HMGCLL1: variants seen among roughly 807,000 people sequenced by gnomAD.
HMGCLL1 encodes the protein 3-hydroxy-3-methylglutaryl-CoA lyase like 1, also known as 3-hydroxymethyl-3-methylglutaryl-CoA lyase, cytoplasmic.
A neutral mutation model predicts 39.1 loss-of-function variants in HMGCLL1; 36 were observed. That is an observed-to-expected ratio of 0.92 (90% CI 0.71 to 1.22). The LOEUF (loss-of-function observed/expected upper bound fraction) is 1.22, where lower values mean the gene tolerates loss of function less well. Among genes scored for constraint, HMGCLL1 ranks in the 50% most tolerant of loss-of-function variants. The probability of loss-of-function intolerance (pLI) is 0.00; values close to 1 mark genes in which losing one functional copy is unlikely to be tolerated. For synonymous variants in HMGCLL1, 149 were observed against 144.0 expected, an observed-to-expected ratio of 1.03 and a Z score of -0.25; for missense variants, 451 against 416.5, an observed-to-expected ratio of 1.08 and a Z score of -0.72.
At chr6:55,678,647 C>CA in the HMGCLL1 span, among the ~76,000 whole-genome samples, 8 of 151,976 alleles carry the variant, frequency 5.3e-5, no homozygotes, top group Non-Finnish European at 1.0e-4. Flanking sequence ...AACAAACAAA[C>CA]AAAAAAACTA....
the HMGCLL1 span, among the ~76,000 whole-genome samples, chr6:55,659,780 CA>C: frequency 6.6e-6 from 1 of 151,828 alleles, no homozygotes; most frequent in Non-Finnish European, 1.5e-5. Context: ...TTCCTGAATA[CA>C]ACTGAGAGGT....
the HMGCLL1 span, among the ~76,000 whole-genome samples, chr6:55,590,243 A>G: frequency 0.085 from 12,927 of 152,112 alleles, 741 homozygotes; most frequent in Non-Finnish European, 0.13. Flanking sequence ...CTCAGAAATA[A>G]TGCCACACAT....
the HMGCLL1 span, among the ~76,000 whole-genome samples, chr6:55,641,243 G>A: frequency 6.6e-6 from 1 of 151,556 alleles, no homozygotes; most frequent in East Asian, 1.9e-4. Context: ...TAAGGAAAAA[G>A]AATGAATAAT....
intron 7 of HMGCLL1, among the ~76,000 whole-genome samples, chr6:55,443,284 AC>A (rs1046026683): frequency 1.8e-4 from 28 of 152,272 alleles, no homozygotes; most frequent in African/African-American, 5.5e-4. Flanking sequence ...TTGAAAAAAT[AC>A]CCAAAAAAGT....
chr6:55,627,418 T>G, the HMGCLL1 span, among the ~76,000 whole-genome samples: 1 of 152,046 alleles, frequency 6.6e-6, no homozygotes, highest in Admixed American at 6.6e-5. Context: ...TAGGCGTAAT[T>G]ATAACCTCAT....
the HMGCLL1 span, among the ~76,000 whole-genome samples, chr6:55,675,789 A>C: frequency 6.6e-6 from 1 of 152,086 alleles, no homozygotes; most frequent in Non-Finnish European, 1.5e-5. Context: ...ATGCAAAATA[A>C]AATGTGAATG....
intron 1 of HMGCLL1, among the ~76,000 whole-genome samples, chr6:55,569,481 C>T (rs1213935683): frequency 6.6e-6 from 1 of 152,166 alleles, no homozygotes; most frequent in African/African-American, 2.4e-5. Flanking sequence ...GCACTGGTAT[C>T]ATGGCAAAAA....
chr6:55,586,934 C>A, the HMGCLL1 span, among the ~76,000 whole-genome samples: 1 of 151,794 alleles, frequency 6.6e-6, no homozygotes. Flanking sequence ...CTGGGTCAAA[C>A]GGTATTTCTA....
chr6:55,668,030 C>T, the HMGCLL1 span, among the ~76,000 whole-genome samples: 9 of 151,766 alleles, frequency 5.9e-5, no homozygotes, highest in Non-Finnish European at 1.2e-4. Context: ...GAATTCACTT[C>T]TATGGCACAC....
At chr6:55,645,974 GTTC>G in the HMGCLL1 span, among the ~76,000 whole-genome samples, 6 of 151,796 alleles carry the variant, frequency 4.0e-5, no homozygotes, top group Admixed American at 6.6e-5. Flanking sequence ...ATTGGCATTA[GTTC>G]TTCTTTAAAT....
chr6:55,673,439 A>G, the HMGCLL1 span, among the ~76,000 whole-genome samples: 1 of 152,030 alleles, frequency 6.6e-6, no homozygotes, highest in Non-Finnish European at 1.5e-5. Flanking sequence ...GACCCAAACT[A>G]TTTACATAAA....
chr6:55,573,622 A>C (rs1313514356), intron 1 of HMGCLL1, among the ~76,000 whole-genome samples: 1 of 152,144 alleles, frequency 6.6e-6, no homozygotes, highest in Non-Finnish European at 1.5e-5. Context: ...ATAAATGAGA[A>C]GAAAATATTC....
chr6:55,659,546 C>A, the HMGCLL1 span, among the ~76,000 whole-genome samples: 1 of 151,838 alleles, frequency 6.6e-6, no homozygotes, highest in Non-Finnish European at 1.5e-5. Flanking sequence ...GAAGGAAATG[C>A]AATTAGAAGA....
rs1468833614 is a variant in HMGCLL1, at chr6:55,528,127, G to C, written c.298-11524C>G. ...CACCACCAACTCTATCGATAATCCA[G>C]GACAATATTCATTATCTCTTCAAAA... On this transcript the variant is annotated intron_variant, in intron 3 of 8. Coordinates refer to ENST00000274901, the MANE Select transcript of HMGCLL1 (RefSeq NM_001042406.2). Among the ~76,000 whole-genome samples the C allele has an allele frequency of 3.9e-5, 6 of 151,932 alleles. No homozygotes were observed. The South Asian group carries it at 1.2e-3, about 31-fold the overall frequency.
chr6:55,543,940 C>T (rs1052255742), intron 1 of HMGCLL1, among the ~76,000 whole-genome samples: 12 of 152,016 alleles, frequency 7.9e-5, no homozygotes, highest in Non-Finnish European at 1.2e-4. Context: ...CAGGATGCCA[C>T]CCTCTCTACC....
chr6:55,600,153 T>A, the HMGCLL1 span, among the ~76,000 whole-genome samples: 1 of 152,096 alleles, frequency 6.6e-6, no homozygotes, highest in Non-Finnish European at 1.5e-5. Flanking sequence ...TTTTTAAATC[T>A]CTAAAATCAT....
chr6:55,519,682 A>G (rs1767934024), intron 3 of HMGCLL1, among the ~76,000 whole-genome samples: 1 of 152,142 alleles, frequency 6.6e-6, no homozygotes, highest in Non-Finnish European at 1.5e-5. Flanking sequence ...ATGTTAATCA[A>G]TATTATTAAT....
At chr6:55,607,371 A>G in the HMGCLL1 span, among the ~76,000 whole-genome samples, 1 of 152,168 alleles carries the variant, frequency 6.6e-6, no homozygotes, top group Non-Finnish European at 1.5e-5. Context: ...TAAAGTGCAA[A>G]AGAAGTTTGG....
chr6:55,541,797 G>A lies in HMGCLL1; in HGVS notation c.229C>T (p.Arg77Ter), dbSNP rs373355530. Reference protein sequence around the residue: ...PTDIKIEFINRLSQTGLSVIE... With the variant: ...PTDIKIEFIN Reference sequence around the variant, plus strand: ...ACAGACAAGCCAGTTTGGGAAAGTCGATTGATAAATTCAATTTTTATATCT... The same window carrying A: ...ACAGACAAGCCAGTTTGGGAAAGTCAATTGATAAATTCAATTTTTATATCT... The change falls in exon 3 of 9, where the codon CGA (arginine) becomes TGA (stop). Residue 77 changes from arginine (R) to a stop codon, truncating the protein, a stop_gained. Transcript: ENST00000274901. LOFTEE classifies it high-confidence loss of function. The A allele has an allele frequency of 2.6e-5, 42 of 1,607,682 alleles. No individual in the cohort carries two copies. Among genetic ancestry groups the A allele is most frequent in the Middle Eastern group, 1.7e-4 (1 of 6,036 alleles).
Sources: allele counts gnomAD v4.1 joint callset (sites outside exome capture counted in the v4.1 genomes callset), GRCh38; gene constraint gnomAD v4.1.1; transcripts MANE v1.5; gene names NCBI Gene and HGNC (gene_info 2026-07-23, HGNC 2026-07-21).